CCDC80: variants seen among roughly 807,000 people sequenced by gnomAD.
CCDC80 encodes coiled-coil domain containing 80, also known as coiled-coil domain-containing protein 80.
Under a neutral mutation model 78.7 loss-of-function variants are expected in CCDC80, and 49 were observed. The ratio of observed to expected loss-of-function variants is 0.62; its 90% CI spans 0.50 to 0.79. The LOEUF (loss-of-function observed/expected upper bound fraction) is 0.79. Ranked by LOEUF, CCDC80 falls within the 30% of genes least tolerant of loss-of-function variation. CCDC80 has a pLI of 0.00. For synonymous variants in CCDC80, 488 were observed against 447.0 expected, an observed-to-expected ratio of 1.09 and a Z score of -1.16; for missense variants, 1,205 against 1,198.6, an observed-to-expected ratio of 1.01 and a Z score of -0.08.
rs763737757 is a variant in CCDC80 at position 112,610,953 on chromosome 3, C to CA, written c.2322-873dup. Among the ~76,000 whole-genome samples, 13 of 128,538 alleles carry CA rather than the reference C, an allele frequency of 1.0e-4. No individual in the cohort carries two copies. In the East Asian group the frequency reaches 2.7e-3, roughly 27 times the overall value. The allele number at this position is 128,538 out of a possible 152,430, so 84.3% of individuals were successfully genotyped here. A position where few individuals can be genotyped will look rare whatever the true frequency, so the allele number is the denominator to read the frequency against. ...TTTTTGAGACAGAGTCTCACTCTGT[C>CA]ACCAGGCTGGAGTACAGTGGCATGA... On this transcript the variant is annotated intron_variant, in intron 5 of 7. Transcript: ENST00000206423.
chr3:112,619,848 A>G (rs1935827256), intron 3 of CCDC80, among the ~76,000 whole-genome samples: 1 of 152,240 alleles, frequency 6.6e-6, no homozygotes, highest in Non-Finnish European at 1.5e-5. Context: ...TTACATGGCA[A>G]CTTGTATGTC....
At chr3:112,629,313 A>C (rs1463410377) in intron 3 of CCDC80, among the ~76,000 whole-genome samples, 1 of 152,038 alleles carries the variant, frequency 6.6e-6, no homozygotes, top group Non-Finnish European at 1.5e-5. Flanking sequence ...CATGAACAAC[A>C]ACAAAACAGT....
At chr3:112,613,686 C>T (rs939970743) in intron 5 of CCDC80, among the ~76,000 whole-genome samples, 13 of 152,040 alleles carry the variant, frequency 8.6e-5, no homozygotes, top group South Asian at 2.1e-4. Context: ...GCCAGTCTCA[C>T]GACAGATCTC....
At chr3:112,606,667 T>C (rs1935517572) in intron 7 of CCDC80, among the ~76,000 whole-genome samples, 1 of 151,684 alleles carries the variant, frequency 6.6e-6, no homozygotes, top group Non-Finnish European at 1.5e-5. Flanking sequence ...TCAAGTGTTC[T>C]GCCCACCTCG....
At chr3:112,620,333 A>G (rs1011419027) in intron 3 of CCDC80, among the ~76,000 whole-genome samples, 1 of 152,196 alleles carries the variant, frequency 6.6e-6, no homozygotes, top group African/African-American at 2.4e-5. Flanking sequence ...TGCTTCATGG[A>G]GGTGGTCCAA....
intron 5 of CCDC80, among the ~76,000 whole-genome samples, chr3:112,610,456 C>G (rs867060885): frequency 1.2e-4 from 18 of 152,076 alleles, no homozygotes; most frequent in Non-Finnish European, 2.5e-4. Context: ...GAAGAGAACT[C>G]GTCTTAGTGG....
chr3:112,605,399 A>C lies in CCDC80; in HGVS notation c.*18T>G, dbSNP rs1264516805. ...GCTGCAGAGGAAACTGGCTGAGTCT[A>C]AGGTTACATATTTCTGCTCAGTAAG... On this transcript the variant is annotated 3_prime_UTR_variant, in exon 8 of 8. Coordinates refer to ENST00000206423, the MANE Select transcript of CCDC80 (RefSeq NM_199511.3). 1 of 1,578,560 alleles carries C rather than the reference A, an allele frequency of 6.3e-7. No homozygotes were observed. The highest frequency in any genetic ancestry group is 1.3e-5 in the African/African-American group (1 of 74,396).
intron 2 of CCDC80, among the ~76,000 whole-genome samples, chr3:112,634,053 G>C (rs1936157327): frequency 6.6e-6 from 1 of 152,164 alleles, no homozygotes; most frequent in East Asian, 1.9e-4. Context: ...TAAGTAAAGA[G>C]AGCAAAGAGC....
intron 3 of CCDC80, among the ~76,000 whole-genome samples, chr3:112,621,910 C>A (rs1240136534): frequency 6.6e-6 from 1 of 152,174 alleles, no homozygotes; most frequent in Non-Finnish European, 1.5e-5. Context: ...TTTCCCTGTC[C>A]AGTCTTGTAT....
At chr3:112,637,618 A>G (rs1255202913) in intron 2 of CCDC80, among the ~76,000 whole-genome samples, 2 of 152,352 alleles carry the variant, frequency 1.3e-5, no homozygotes, top group South Asian at 2.1e-4. Context: ...ACTGAAGTCA[A>G]TGCACTCCCT....
Position 112,638,763 on chromosome 3 carries a change from A to G in CCDC80, c.1143T>C (p.Phe381=), listed in dbSNP as rs1251035537. ...VAARPMTTTA[F]PTTQRPWTPS... is the part of the protein sequence containing the mutation. ...GGGTCCAGGGCCTCTGCGTGGTGGG[A>G]AAGGCAGTGGTGGTCATAGGTCTTG... Residue 381 remains phenylalanine, a synonymous_variant, in exon 2 of 8, where the codon TTT becomes TTC. Transcript: ENST00000206423. The G allele has an allele frequency of 6.2e-7, 1 of 1,613,586 alleles. No homozygotes were observed. Among genetic ancestry groups the G allele is most frequent in the South Asian group, 1.1e-5 (1 of 91,048 alleles).
chr3:112,609,861 C>A, intron 6 of CCDC80, 117 bp downstream of exon 6: 1 of 734,974 alleles, frequency 1.4e-6, no homozygotes, highest in Non-Finnish European at 2.2e-6. Flanking sequence ...TGTCTGGAAA[C>A]CTGAACAGTC....
At chr3:112,614,001 G>T (rs148728297) in intron 5 of CCDC80, among the ~76,000 whole-genome samples, 39 of 152,218 alleles carry the variant, frequency 2.6e-4, no homozygotes, top group African/African-American at 9.4e-4. Flanking sequence ...GTTTAGGCAT[G>T]CAGGTAAGTT....
rs1935353141 is a variant in CCDC80 at position 112,600,388 on chromosome 3, A to T, written c.*5029T>A. On this transcript the variant is annotated 3_prime_UTR_variant, in exon 8 of 8. Coordinates refer to ENST00000206423, the MANE Select transcript of CCDC80 (RefSeq NM_199511.3). ...GCTTGAAAAAGTAATCTCAGGTTGT[A>T]AAAAAGAACTATCTTTTTTTGGTTG... 6.6e-6 allele frequency: 1 copy of T among 152,216 alleles called. No homozygotes were observed. Among genetic ancestry groups the T allele is most frequent in the Non-Finnish European group, 1.5e-5 (1 of 68,040 alleles). The allele number at this position is 152,216 out of a possible 1,614,324, so 9.4% of individuals were successfully genotyped here.
At chr3:112,609,673 C>T (rs1372240994) in intron 6 of CCDC80, among the ~76,000 whole-genome samples, 1 of 138,532 alleles carries the variant, frequency 7.2e-6, no homozygotes, top group African/African-American at 3.2e-5. Context: ...CTAAGTGAGA[C>T]AATTTAAAAA....
At chr3:112,609,863 T>C in intron 6 of CCDC80, 115 bp downstream of exon 6, 1 of 747,460 alleles carries the variant, frequency 1.3e-6, no homozygotes, top group Non-Finnish European at 2.2e-6. Context: ...TCTGGAAACC[T>C]GAACAGTCTG....
At chr3:112,615,415 G>A (rs1242338965) in intron 5 of CCDC80, among the ~76,000 whole-genome samples, 1 of 152,058 alleles carries the variant, frequency 6.6e-6, no homozygotes, top group African/African-American at 2.4e-5. Flanking sequence ...TGTTGATACT[G>A]GGACCTCTGT....
chr3:112,607,131 G>T, intron 7 of CCDC80, 45 bp downstream of exon 7: 2 of 1,418,238 alleles, frequency 1.4e-6, no homozygotes, highest in South Asian at 1.2e-5. Context: ...TAATTTAACT[G>T]AACTTAACAC....
chr3:112,605,158 A>G lies in CCDC80; in HGVS notation c.*259T>C, dbSNP rs1253340689. On this transcript the variant is annotated 3_prime_UTR_variant, in exon 8 of 8. Transcript: ENST00000206423. ...AGGTCCTTCATATAAGAAAAGGAAA[A>G]TAATATCAATTTTCAGTACTATTAT... The G allele has an allele frequency of 9.2e-6, 3 of 325,620 alleles. No individual in the cohort carries two copies. Among genetic ancestry groups the G allele is most frequent in the East Asian group, 9.9e-5 (2 of 20,158 alleles). The allele number at this position is 325,620 out of a possible 1,614,324, so 20.2% of individuals were successfully genotyped here.
Sources: gnomAD v4.1 joint callset for allele counts (sites outside exome capture counted in the v4.1 genomes callset) on GRCh38, gnomAD v4.1.1 for gene constraint, MANE v1.5 for transcripts, NCBI Gene and HGNC (gene_info 2026-07-23, HGNC 2026-07-21) for gene names.